CHUK: variants seen among roughly 807,000 people sequenced by gnomAD.
The protein encoded by CHUK is inhibitor of nuclear factor kappa-B kinase subunit alpha.
Under a neutral mutation model 104.8 loss-of-function variants are expected in CHUK, and 35 were observed. That is an observed-to-expected ratio of 0.33 (90% CI 0.26 to 0.44). The LOEUF (loss-of-function observed/expected upper bound fraction) is 0.44. Ranked by LOEUF, CHUK falls within the 20% of genes least tolerant of loss-of-function variation. The probability of loss-of-function intolerance (pLI) is 1.00; values close to 1 mark genes in which losing one functional copy is unlikely to be tolerated. For synonymous variants in CHUK, 276 were observed against 291.9 expected (o/e 0.95, Z 0.56); for missense variants, 663 against 902.7 (o/e 0.73, Z 3.40).
chr10:100,217,644 A>T (rs1333688838), intron 9 of CHUK, among the ~76,000 whole-genome samples: 4 of 152,252 alleles, frequency 2.6e-5, no homozygotes, highest in Admixed American at 2.6e-4. Flanking sequence ...TGGGAGGTGG[A>T]GGCGGGCAGA....
intron 13 of CHUK, 115 bp downstream of exon 13, chr10:100,204,391 G>C (rs1472901410): frequency 1.2e-6 from 1 of 839,950 alleles, no homozygotes; most frequent in Non-Finnish European, 2.1e-6. Flanking sequence ...AAGTTGTCCT[G>C]TCTCTTGTTC....
intron 13 of CHUK, 117 bp from the exon 14 acceptor site, chr10:100,202,266 C>CA: frequency 1.4e-6 from 1 of 739,914 alleles, no homozygotes; most frequent in Admixed American, 2.0e-5. Context: ...TGTGGTCCCC[C>CA]AAAAGATATG....
At chr10:100,198,347 C>T (rs1317838348) in intron 16 of CHUK, among the ~76,000 whole-genome samples, 1 of 152,124 alleles carries the variant, frequency 6.6e-6, no homozygotes, top group African/African-American at 2.4e-5. Flanking sequence ...ATTAAAAACC[C>T]ATACTCAAGC....
chr10:100,193,260 TG>T (rs1211755658), intron 19 of CHUK, 37 bp downstream of exon 19: 1 of 1,611,286 alleles, frequency 6.2e-7, no homozygotes, highest in Non-Finnish European at 8.5e-7. Context: ...ACCACTGCTA[TG>T]AAAACACAGC....
Position 100,188,392 on chromosome 10 carries a change from A to C in CHUK, c.*1206T>G, listed in dbSNP as rs573321694. 6.5e-6 allele frequency: 1 copy of C among 152,794 alleles called. No homozygotes were observed. Among genetic ancestry groups the C allele is most frequent in the African/African-American group, 2.4e-5 (1 of 41,592 alleles). 9.5% of individuals were successfully genotyped at this position (152,794 alleles called of 1,614,324 possible). On this transcript the variant is annotated 3_prime_UTR_variant, in exon 21 of 21. Coordinates refer to ENST00000370397, the MANE Select transcript of CHUK (RefSeq NM_001278.5). The stretch of plus-strand genomic sequence containing the variant: ...TAATTTAAAAACCATTTAATACACA[A>C]AGTGAAAAACTATTAGAATATAAAA...
chr10:100,197,015 A>G (rs1845348734), intron 16 of CHUK, among the ~76,000 whole-genome samples: 1 of 152,060 alleles, frequency 6.6e-6, no homozygotes, highest in Non-Finnish European at 1.5e-5. Context: ...TTTGGCCCTG[A>G]GCATATGTTC....
chr10:100,193,450 ACATC>A lies in CHUK; in HGVS notation c.1975-23_1975-20del. 6.2e-7 allele frequency: 1 copy of A among 1,613,952 alleles called. No individual in the cohort carries two copies. Among genetic ancestry groups the A allele is most frequent in the East Asian group, 2.2e-5 (1 of 44,886 alleles). ...TCTGTGTCTGAAGGAAAAGAAAAAA[ACATC>A]AAAAGATTACAGGCAAGCATCTCTG... is the stretch of plus-strand genomic sequence containing the variant. On this transcript the variant is annotated intron_variant, in intron 18 of 20. Coordinates refer to ENST00000370397, the MANE Select transcript of CHUK (RefSeq NM_001278.5).
chr10:100,209,494 G>T (rs1030960607), intron 10 of CHUK, 101 bp downstream of exon 10: 1 of 743,914 alleles, frequency 1.3e-6, no homozygotes, highest in Non-Finnish European at 2.4e-6. Context: ...AAAACAAAAT[G>T]TGCGGCCTCC....
intron 8 of CHUK, 58 bp downstream of exon 8, chr10:100,218,660 T>C: frequency 9.2e-7 from 1 of 1,084,922 alleles, no homozygotes. Flanking sequence ...ACTACTCTCC[T>C]GCTCCTTTAC....
chr10:100,219,146 A>G lies in CHUK; in HGVS notation c.565-14T>C, dbSNP rs527912052. 1 of 1,613,188 alleles carries G rather than the reference A, an allele frequency of 6.2e-7. No homozygotes were observed. Among genetic ancestry groups the G allele is most frequent in the Admixed American group, 1.7e-5 (1 of 60,006 alleles). On this transcript the variant is annotated splice_polypyrimidine_tract_variant and intron_variant, in intron 6 of 20. Transcript: ENST00000370397. ...GAGCTCTGGGGCCTTCAAAAGAGAA[A>G]ATGCTTTAAACACCAACACTGTATG...
At position 100,190,963 on chromosome 10, in the gene CHUK, G is replaced by C. The variant is rs750507187; in HGVS notation, c.2114C>G (p.Thr705Ser). ...ATTTTCTTCTATCATTTGTGCTGAA[G>C]TCTCCCTGTGAGATGAAAGAACAAA... The part of the protein sequence containing the change: ...SCVVTPQDGE[T>S]SAQMIEENLN... Residue 705 changes from threonine (T) to serine (S), a missense_variant, in exon 20 of 21, where the codon ACT becomes AGT. Coordinates refer to ENST00000370397, the MANE Select transcript of CHUK (RefSeq NM_001278.5). 1 of 1,591,978 alleles carries C rather than the reference G, an allele frequency of 6.3e-7. No individual in the cohort carries two copies.
At chr10:100,214,754 C>G (rs1387372767) in intron 9 of CHUK, among the ~76,000 whole-genome samples, 1 of 152,150 alleles carries the variant, frequency 6.6e-6, no homozygotes, top group African/African-American at 2.4e-5. Flanking sequence ...TGAAAGAAAA[C>G]TATGCAAGCC....
intron 20 of CHUK, 166 bp downstream of exon 20, chr10:100,190,703 C>T (rs747776831): frequency 5.7e-5 from 38 of 665,728 alleles, no homozygotes; most frequent in African/African-American, 9.0e-5. Context: ...CCCTGAGTAA[C>T]GGCAGATAAG....
At chr10:100,225,767 T>C (rs567110732) in intron 2 of CHUK, among the ~76,000 whole-genome samples, 156 bp downstream of exon 2, 3 of 152,302 alleles carry the variant, frequency 2.0e-5, no homozygotes, top group African/African-American at 7.2e-5. Flanking sequence ...AATCTTAATG[T>C]GATATTATTA....
chr10:100,220,496 G>A lies in CHUK; in HGVS notation c.474+92C>T. On this transcript the variant is annotated intron_variant, in intron 5 of 20. Transcript: ENST00000370397. ...AAATGGAAAAAGTAAGACTGTTATGGGCATACAGCAAAGACACCAAAGCTC... is the reference window on the plus strand; with the variant it reads ...AAATGGAAAAAGTAAGACTGTTATGAGCATACAGCAAAGACACCAAAGCTC... 5.7e-6 allele frequency: 5 copies of A among 870,750 alleles called. No homozygotes were observed. In the South Asian group the frequency reaches 6.7e-5, roughly 12 times the overall value. 53.9% of individuals were successfully genotyped at this position (870,750 alleles called of 1,614,324 possible).
At chr10:100,217,195 C>T (rs896689846) in intron 9 of CHUK, among the ~76,000 whole-genome samples, 3 of 149,800 alleles carry the variant, frequency 2.0e-5, no homozygotes, top group Non-Finnish European at 4.4e-5. Context: ...CAAGGCAAAA[C>T]TTGGTTAGGG....
rs201092009 is a variant in CHUK at position 100,199,809 on chromosome 10, C to CT, written c.1729+161dup. 7.4e-3 allele frequency among the ~76,000 whole-genome samples: 1,133 copies of CT among 152,308 alleles called. 22 individuals are homozygous for CT. Among genetic ancestry groups the CT allele is most frequent in the African/African-American group, 0.025 (1,023 of 41,558 alleles). ...TTATCATCTCCTAAATTCTCACAAT[C>CT]TTAAAGCTTATTATACCATGTCTCA... On this transcript the variant is annotated intron_variant, in intron 16 of 20. Transcript: ENST00000370397.
intron 2 of CHUK, among the ~76,000 whole-genome samples, chr10:100,224,788 C>T (rs11190430): frequency 0.2 from 30,397 of 151,996 alleles, 5,437 homozygotes; most frequent in African/African-American, 0.48. Context: ...TGTGGTAAAA[C>T]ACACATAGCA....
At chr10:100,202,514 C>T (rs1339438909) in intron 13 of CHUK, among the ~76,000 whole-genome samples, 1 of 152,016 alleles carries the variant, frequency 6.6e-6, no homozygotes, top group South Asian at 2.1e-4. Flanking sequence ...GGCTAGCAGA[C>T]CATAAGAAGC....
Sources: allele counts gnomAD v4.1 joint callset (sites outside exome capture counted in the v4.1 genomes callset), GRCh38; gene constraint gnomAD v4.1.1; transcripts MANE v1.5; gene names NCBI Gene and HGNC (gene_info 2026-07-23, HGNC 2026-07-21).